The following ZNF320 variants were observed in gnomAD, a reference collection of about 807,000 sequenced individuals.
ZNF320 encodes zinc finger protein 320, also known as zinc finger gene 320.
In ZNF320, 2 loss-of-function variants were observed where a neutral mutation model predicts 6.8. The ratio of observed to expected loss-of-function variants is 0.29; its 90% CI spans 0.12 to 0.93. The LOEUF (loss-of-function observed/expected upper bound fraction) is 0.93. ZNF320 is among the 40% of genes least tolerant of loss of function. The probability of loss-of-function intolerance (pLI) is 0.55; values close to 1 mark genes in which losing one functional copy is unlikely to be tolerated. For synonymous variants in ZNF320, 208 were observed against 203.2 expected (o/e 1.02, Z -0.20); for missense variants, 472 against 611.0 (o/e 0.77, Z 2.40).
rs764990633 is a variant in ZNF320, at chr19:52,880,578, G to C, written c.*18C>G. 3 of 1,577,496 alleles carry C rather than the reference G, an allele frequency of 1.9e-6. No homozygotes were observed. Among genetic ancestry groups the C allele is most frequent in the Non-Finnish European group, 2.6e-6 (3 of 1,163,092 alleles). The stretch of plus-strand genomic sequence containing the variant: ...TAAGTCAACTCAAACTCAGGTCAAT[G>C]CTGATTTGACTCTGATGTCAATTAA... On this transcript the variant is annotated 3_prime_UTR_variant, in exon 6 of 6. Coordinates refer to ENST00000682928, the MANE Select transcript of ZNF320 (RefSeq NM_001351774.2).
downstream of ZNF320, among the ~76,000 whole-genome samples, chr19:52,871,701 A>G (rs374156708): frequency 5.1e-4 from 78 of 152,274 alleles, no homozygotes; most frequent in African/African-American, 1.7e-3. Flanking sequence ...ACACTGAAAA[A>G]TTGTGCACAC....
intron 5 of ZNF320, among the ~76,000 whole-genome samples, chr19:52,887,008 A>AGGAAGGAAGGAAGGAAGGAAGGAAGG (rs1555821347): frequency 1.9e-5 from 2 of 106,934 alleles, no homozygotes; most frequent in East Asian, 2.3e-4. Flanking sequence ...GAAGGAAGGA[A>AGGAAGGAAGGAAGGAAGGAAGGAAGG]AAGAAAAAAC....
chr19:52,861,717 G>T, exon 6 of ZNF320: 2 of 257,818 alleles, frequency 7.8e-6, no homozygotes, highest in South Asian at 1.1e-4. Flanking sequence ...TGACTCTAAT[G>T]ACAATTAATG....
At position 52,880,500 on chromosome 19, in the gene ZNF320, C is replaced by A; in HGVS notation, c.*96G>T. The A allele has an allele frequency of 2.3e-6, 3 of 1,301,696 alleles. No homozygotes were observed. Among genetic ancestry groups the A allele is most frequent in the Non-Finnish European group, 3.2e-6 (3 of 941,840 alleles). The allele number at this position is 1,301,696 out of a possible 1,614,324, so 80.6% of individuals were successfully genotyped here. A position where few individuals can be genotyped will look rare whatever the true frequency, so the allele number is the denominator to read the frequency against. ...ACAGGTGTGAGACACCACGCCTGGC[C>A]CAATCCTCTTAACATAAACAGTTTA... is the stretch of plus-strand genomic sequence containing the variant. On this transcript the variant is annotated 3_prime_UTR_variant, in exon 6 of 6. Transcript: ENST00000682928.
At chr19:52,883,552 T>C in intron 5 of ZNF320, 1 of 448,492 alleles carries the variant, frequency 2.2e-6, no homozygotes, top group South Asian at 1.6e-5. Context: ...CATGTTAAAA[T>C]CACTACCTTC....
At chr19:52,896,523 A>T (rs1052231952) in intron 1 of ZNF320, among the ~76,000 whole-genome samples, 1 of 152,080 alleles carries the variant, frequency 6.6e-6, no homozygotes, top group African/African-American at 2.4e-5. Context: ...AGCCTGAGCA[A>T]CAAGGCAAAA....
chr19:52,860,331 G>C (rs1197076705), downstream of ZNF320, among the ~76,000 whole-genome samples: 1 of 151,992 alleles, frequency 6.6e-6, no homozygotes, highest in Non-Finnish European at 1.5e-5. Context: ...GGTCCCGGTG[G>C]CTCACTCCTG....
At chr19:52,886,197 C>T (rs1053763182) in intron 5 of ZNF320, among the ~76,000 whole-genome samples, 1 of 151,900 alleles carries the variant, frequency 6.6e-6, no homozygotes, top group Non-Finnish European at 1.5e-5. Context: ...TGCAATGGTG[C>T]GATCTTGGCT....
chr19:52,880,470 G>A lies in ZNF320; in HGVS notation c.*126C>T. 1.1e-6 allele frequency: 1 copy of A among 947,760 alleles called. No individual in the cohort carries two copies. The highest frequency in any genetic ancestry group is 1.5e-6 in the Non-Finnish European group (1 of 648,618). The allele number at this position is 947,760 out of a possible 1,614,324, so 58.7% of individuals were successfully genotyped here. On this transcript the variant is annotated 3_prime_UTR_variant, in exon 6 of 6. Transcript: ENST00000682928. ...CCTGTCTTGGCCTCTCAAAGTGCTG[G>A]GATTACAGGTGTGAGACACCACGCC...
chr19:52,888,608 C>T (rs1219776842), intron 4 of ZNF320, among the ~76,000 whole-genome samples: 1 of 122,378 alleles, frequency 8.2e-6, no homozygotes, highest in African/African-American at 3.3e-5. Context: ...CTAGCCTGGG[C>T]AACAAAGCAA....
intron 2 of ZNF320, among the ~76,000 whole-genome samples, chr19:52,892,541 A>C (rs2064328994): frequency 6.6e-6 from 1 of 152,168 alleles, no homozygotes; most frequent in Non-Finnish European, 1.5e-5. Flanking sequence ...ACCTGAGGTC[A>C]GGAGTTCGAG....
chr19:52,881,556 T>C lies in ZNF320; in HGVS notation c.570A>G (p.Lys190=). 6.2e-7 allele frequency: 1 copy of C among 1,613,942 alleles called. No individual in the cohort carries two copies. Among genetic ancestry groups the C allele is most frequent in the South Asian group, 1.1e-5 (1 of 91,080 alleles). Residue 190 remains lysine (K), a synonymous_variant, in exon 6 of 6, where the codon AAA becomes AAG. Transcript: ENST00000682928. ...RIIHTGEKPY[K]CKVCDKAFKH... is the part of the protein sequence containing the mutation. ...TAAAAGCCTTGTCGCAAACCTTACA[T>C]TTGTATGGTTTCTCTCCAGTATGAA...
rs2063531837 is a variant in ZNF320, at chr19:52,865,477, T to TATATATGTAATAC, written c.224-1319_224-1318insGTATTACATATAT. 48 of 43,984 alleles carry TATATATGTAATAC rather than the reference T, an allele frequency of 1.1e-3. 1 individual carries two copies. The highest frequency in any genetic ancestry group is 3.8e-3 in the African/African-American group (46 of 12,192). 2.7% of individuals were successfully genotyped at this position (43,984 alleles called of 1,614,324 possible). A position where few individuals can be genotyped will look rare whatever the true frequency, so the allele number is the denominator to read the frequency against. Reference sequence around the variant, plus strand: ...GTAATACATATATATATATTACATATATATATAATACATATATATTATACA... The same window carrying TATATATGTAATAC: ...GTAATACATATATATATATTACATATATATATGTAATACATATATAATACATATATATTATACA... On this transcript the variant is annotated intron_variant, in intron 5 of 5. Transcript: ENST00000673631.
At chr19:52,897,123 T>A (rs985071507) in intron 1 of ZNF320, among the ~76,000 whole-genome samples, 1 of 152,232 alleles carries the variant, frequency 6.6e-6, no homozygotes. Context: ...CACTCCCCTC[T>A]GTGGAGTGCT....
At chr19:52,886,708 G>T (rs2064090117) in intron 5 of ZNF320, among the ~76,000 whole-genome samples, 1 of 152,082 alleles carries the variant, frequency 6.6e-6, no homozygotes, top group East Asian at 1.9e-4. Context: ...AGCCGAAGCA[G>T]GTGAATCACT....
intron 5 of ZNF320, chr19:52,883,774 G>A (rs2063994747): frequency 3.1e-6 from 1 of 324,826 alleles, no homozygotes; most frequent in Non-Finnish European, 6.0e-6. Context: ...GGTGGCAGGT[G>A]CATGTAATCC....
chr19:52,879,986 T>A lies in ZNF320; in HGVS notation c.*610A>T, dbSNP rs1236343652. 1 of 152,122 alleles carries A rather than the reference T, an allele frequency of 6.6e-6. No homozygotes were observed. The highest frequency in any genetic ancestry group is 1.5e-5 in the Non-Finnish European group (1 of 68,024). 9.4% of individuals were successfully genotyped at this position (152,122 alleles called of 1,614,324 possible). ...TATTGAATGGAATAATATTGCTAAA[T>A]GATTATAACTGAATGTGATGTAGAT... is the stretch of plus-strand genomic sequence containing the variant. On this transcript the variant is annotated 3_prime_UTR_variant, in exon 6 of 6. Coordinates refer to ENST00000682928, the MANE Select transcript of ZNF320 (RefSeq NM_001351774.2).
chr19:52,890,376 C>CT, intron 3 of ZNF320, 48 bp from the exon 4 acceptor site: 9 of 1,360,674 alleles, frequency 6.6e-6, no homozygotes, highest in Non-Finnish European at 9.1e-6. Flanking sequence ...AACACACCCC[C>CT]TCCCCATAAC....
upstream of ZNF320, among the ~76,000 whole-genome samples, chr19:52,898,693 G>A (rs894098626): frequency 6.6e-6 from 1 of 152,190 alleles, no homozygotes; most frequent in African/African-American, 2.4e-5. Context: ...CACATGAAAG[G>A]GTCGTGATTG....
Sources: gnomAD v4.1 joint callset for allele counts (sites outside exome capture counted in the v4.1 genomes callset) on GRCh38, gnomAD v4.1.1 for gene constraint, MANE v1.5 for transcripts, NCBI Gene and HGNC (gene_info 2026-07-23, HGNC 2026-07-21) for gene names.